The following IDUA variants were observed in gnomAD, a reference collection of about 807,000 sequenced individuals.
The protein encoded by IDUA is alpha-L-iduronidase.
A neutral mutation model predicts 68.9 loss-of-function variants in IDUA; 65 were observed. That is an observed-to-expected ratio of 0.94 (90% CI 0.77 to 1.16). The LOEUF is 1.16. IDUA is among the 50% of genes most tolerant of loss of function. The pLI is 0.00. For synonymous variants in IDUA, 529 were observed against 433.6 expected, an observed-to-expected ratio of 1.22 and a Z score of -2.73; for missense variants, 1,046 against 938.0, an observed-to-expected ratio of 1.12 and a Z score of -1.50.
At chr4:1,002,555 C>T in intron 8 of IDUA, 70 bp downstream of exon 8, 2 of 1,349,872 alleles carry the variant, frequency 1.5e-6, no homozygotes, top group Admixed American at 6.5e-5. Context: ...GCGAAGGCCC[C>T]GCTGCGGGGA....
At chr4:988,539 G>C in intron 2 of IDUA, 2 of 1,235,882 alleles carry the variant, frequency 1.6e-6, no homozygotes, top group Non-Finnish European at 2.0e-6. Flanking sequence ...AACCCTGAGC[G>C]TCAGGTCAGG....
At chr4:1,003,960 A>C in intron 12 of IDUA, 52 bp from the exon 13 acceptor site, 1 of 1,457,290 alleles carries the variant, frequency 6.9e-7, no homozygotes, top group Non-Finnish European at 9.6e-7. Flanking sequence ...GCCTGCTCCC[A>C]CCTTTGAGGA....
In IDUA at chr4:1,003,177, G is replaced by A. The variant is rs1308990427; in HGVS notation, c.1524+20G>A. ...GCTGAGGTAGGTGGGCCGCGGAGGGGCGAGGGGCCGGGCCGGGCCGGGGTC... is the reference window on the plus strand; with the variant it reads ...GCTGAGGTAGGTGGGCCGCGGAGGGACGAGGGGCCGGGCCGGGCCGGGGTC... On this transcript the variant is annotated intron_variant, in intron 10 of 13. Transcript: ENST00000514224. 3 of 1,336,894 alleles carry A rather than the reference G, an allele frequency of 2.2e-6. No homozygotes were observed. The highest frequency in any genetic ancestry group is 2.9e-6 in the Non-Finnish European group (3 of 1,050,108). 82.8% of individuals were successfully genotyped at this position (1,336,894 alleles called of 1,614,324 possible). A position where few individuals can be genotyped will look rare whatever the true frequency, so the allele number is the denominator to read the frequency against.
At chr4:995,289 C>T (rs367653823) in intron 2 of IDUA, among the ~76,000 whole-genome samples, 2 of 151,818 alleles carry the variant, frequency 1.3e-5, no homozygotes, top group Non-Finnish European at 2.9e-5. Context: ...GTGATCCACC[C>T]GCCTCGGCCT....
In IDUA at chr4:987,915, C is replaced by G; in HGVS notation, c.265C>G (p.Arg89Gly). ...CCCTCACCGCGGCATCAAGCAGGTC[C>G]GGACCCACTGGCTGCTGGAGCTTGT... Reference protein sequence around the residue: ...AVPHRGIKQVRTHWLLELVTT... With the variant: ...AVPHRGIKQVGTHWLLELVTT... Residue 89 changes from arginine (R) to glycine (G), a missense_variant, in exon 2 of 14, where the codon CGG (arginine) becomes GGG (glycine). By Grantham distance (125) the Arg-to-Gly change is moderately radical. Coordinates refer to ENST00000514224, the MANE Select transcript of IDUA (RefSeq NM_000203.5). 1.2e-6 allele frequency: 2 copies of G among 1,602,492 alleles called. No individual in the cohort carries two copies. Among genetic ancestry groups the G allele is most frequent in the South Asian group, 1.1e-5 (1 of 89,456 alleles).
At chr4:992,602 C>A (rs1022936329) in intron 2 of IDUA, 8 of 193,230 alleles carry the variant, frequency 4.1e-5, no homozygotes, top group African/African-American at 1.4e-4. Flanking sequence ...GCCCTTTTTC[C>A]CAGGCTGCAC....
intron 12 of IDUA, 167 bp from the exon 13 acceptor site, chr4:1,003,845 G>C: frequency 1.2e-6 from 1 of 805,596 alleles, no homozygotes; most frequent in Admixed American, 1.9e-5. Flanking sequence ...TGGACATTCG[G>C]GCTCCAGCCC....
chr4:997,680 C>T (rs1284855149), intron 2 of IDUA, among the ~76,000 whole-genome samples: 1 of 152,164 alleles, frequency 6.6e-6, no homozygotes, highest in Non-Finnish European at 1.5e-5. Flanking sequence ...GTGGGCTGCG[C>T]GCTCCATCTC....
rs1715175891 is a variant in IDUA, at chr4:1,002,733, TGAG to T, written c.1195_1197del (p.Glu399del). 1.4e-6 allele frequency: 2 copies of T among 1,437,796 alleles called. No individual in the cohort carries two copies. The highest frequency in any genetic ancestry group is 2.6e-5 in the South Asian group (2 of 76,708). The allele number at this position is 1,437,796 out of a possible 1,614,324, so 89.1% of individuals were successfully genotyped here. A position where few individuals can be genotyped will look rare whatever the true frequency, so the allele number is the denominator to read the frequency against. On this transcript the variant is annotated inframe_deletion and splice_region_variant, in exon 9 of 14. Coordinates refer to ENST00000514224, the MANE Select transcript of IDUA (RefSeq NM_000203.5). ...CGACGGCCCCCCCCCGCCCCGCAGA[TGAG>T]GAGCAGCTCTGGGCCGAAGTGTCGC... is the stretch of plus-strand genomic sequence containing the variant.
At chr4:1,003,658 G>T in intron 12 of IDUA, 33 bp downstream of exon 12, 1 of 1,606,010 alleles carries the variant, frequency 6.2e-7, no homozygotes, top group Non-Finnish European at 8.5e-7. Context: ...CCCTCTGCCT[G>T]GTCCTAGGCA....
In IDUA at chr4:987,890, C is replaced by G. The variant is rs373277285; in HGVS notation, c.240C>G (p.Val80=). ...QQLNLAYVGA[V]PHRGIKQVRT... ...TCAACCTCGCCTATGTGGGCGCCGT[C>G]CCTCACCGCGGCATCAAGCAGGTCC... is the stretch of plus-strand genomic sequence containing the variant. The change falls in exon 2 of 14, where the codon GTC becomes GTG. Residue 80 remains valine (V), a synonymous_variant. Transcript: ENST00000514224. 23 of 1,610,610 alleles carry G rather than the reference C, an allele frequency of 1.4e-5. No homozygotes were observed. In the African/African-American group the frequency reaches 3.1e-4, roughly 21 times the overall value.
At chr4:1,002,625 A>T in intron 8 of IDUA, 107 bp from the exon 9 acceptor site, 1 of 1,150,332 alleles carries the variant, frequency 8.7e-7, no homozygotes, top group East Asian at 3.1e-5. Context: ...GGGCCTGGGG[A>T]CTCCTTCACC....
Position 1,002,069 on chromosome 4 carries a change from C to T in IDUA, c.880C>T (p.Pro294Ser), listed in dbSNP as rs1473703840. ...GCTCTTCCCCAAGTTCGCGGACACCCCCATTTACAACGACGAGGCGGACCC... is the reference window on the plus strand; with the variant it reads ...GCTCTTCCCCAAGTTCGCGGACACCTCCATTTACAACGACGAGGCGGACCC... The part of the protein sequence containing the change: ...RQLFPKFADT[P>S]IYNDEADPLV... Residue 294 changes from proline to serine, a missense_variant, in exon 7 of 14, where the codon CCC (proline) becomes TCC (serine). Physicochemically the swap from Pro to Ser is moderately conservative, Grantham distance 74. Transcript: ENST00000514224. 2.5e-6 allele frequency: 4 copies of T among 1,593,126 alleles called. No homozygotes were observed. Among genetic ancestry groups the T allele is most frequent in the East Asian group, 2.3e-5 (1 of 44,120 alleles).
intron 12 of IDUA, 89 bp downstream of exon 12, chr4:1,003,714 C>A: frequency 6.9e-7 from 1 of 1,445,570 alleles, no homozygotes. Flanking sequence ...ACTCGGGCCA[C>A]TTGCCGTGGC....
chr4:1,001,467 G>A lies in IDUA; in HGVS notation c.494-1G>A, dbSNP rs794727701. 6.2e-7 allele frequency: 1 copy of A among 1,612,822 alleles called. No homozygotes were observed. Among genetic ancestry groups the A allele is most frequent in the Non-Finnish European group, 8.5e-7 (1 of 1,179,702 alleles). On this transcript the variant is annotated splice_acceptor_variant, in intron 4 of 13. Coordinates refer to ENST00000514224, the MANE Select transcript of IDUA (RefSeq NM_000203.5). LOFTEE classifies it high-confidence loss of function. ...GGGGGGACAGCAAGGCTCCTCTGCA[G>A]GTAGGTACGGACTGGCGCATGTTTC... is the stretch of plus-strand genomic sequence containing the variant.
At chr4:987,323 TCA>T (rs1713810917) in intron 1 of IDUA, 81 bp downstream of exon 1, 15 of 1,310,360 alleles carry the variant, frequency 1.1e-5, no homozygotes, top group East Asian at 1.1e-4. Flanking sequence ...TGTGAGAGCT[TCA>T]GAGACCGGAG....
chr4:987,958 C>T lies in IDUA; in HGVS notation c.299+9C>T, dbSNP rs559064100. The T allele has an allele frequency of 4.1e-5, 64 of 1,563,416 alleles. No homozygotes were observed. The highest frequency in any genetic ancestry group is 4.8e-5 in the East Asian group (2 of 41,990). ...GAGCTTGTCACCACCAGGTGGGCGG[C>T]GGGCAGGGTCTGGGCGTCCCAGAGC... On this transcript the variant is annotated intron_variant, in intron 2 of 13. Transcript: ENST00000514224.
At chr4:995,787 A>G (rs1409567797) in intron 2 of IDUA, among the ~76,000 whole-genome samples, 1 of 152,218 alleles carries the variant, frequency 6.6e-6, no homozygotes, top group Non-Finnish European at 1.5e-5. Context: ...AAGCGCTGCT[A>G]GTTCCCCACA....
chr4:993,885 G>A (rs3806759), intron 2 of IDUA, among the ~76,000 whole-genome samples: 13,343 of 152,284 alleles, frequency 0.088, 670 homozygotes, highest in East Asian at 0.18. Flanking sequence ...GTGTGTGCTC[G>A]CGTAAGCCCT....
Sources: allele counts gnomAD v4.1 joint callset (sites outside exome capture counted in the v4.1 genomes callset), GRCh38; gene constraint gnomAD v4.1.1; transcripts MANE v1.5; gene names NCBI Gene and HGNC (gene_info 2026-07-23, HGNC 2026-07-21).